The following CCNF variants were observed in gnomAD, a reference collection of about 807,000 sequenced individuals.
CCNF encodes the protein cyclin-F.
Under a neutral mutation model 85.4 loss-of-function variants are expected in CCNF, and 30 were observed. The ratio of observed to expected loss-of-function variants is 0.35; its 90% CI spans 0.26 to 0.48. The LOEUF is 0.48. CCNF is among the 20% of genes least tolerant of loss of function. The pLI, the probability that CCNF is intolerant of heterozygous loss-of-function variation, is 0.99. For missense variants in CCNF, 919 were observed against 1,010.4 expected (o/e 0.91, Z 1.23); for synonymous variants, 439 against 425.1 (o/e 1.03, Z -0.40).
In CCNF at chr16:2,435,615, A is replaced by C. The variant is rs538444194; in HGVS notation, c.279-191A>C. 2.6e-3 allele frequency among the ~76,000 whole-genome samples: 354 copies of C among 134,444 alleles called. 4 individuals carry two copies. The highest frequency in any genetic ancestry group is 9.5e-3 in the African/African-American group (332 of 35,022). 88.2% of individuals were successfully genotyped at this position (134,444 alleles called of 152,430 possible). On this transcript the variant is annotated intron_variant, in intron 3 of 16. Coordinates refer to ENST00000397066, the MANE Select transcript of CCNF (RefSeq NM_001761.3). ...GAGAGAGATATATATATATATATGC[A>C]CACACACACACACATATATATGCAC...
At chr16:2,442,406 TATA>T (rs1488952044) in intron 8 of CCNF, among the ~76,000 whole-genome samples, 3 of 86,670 alleles carry the variant, frequency 3.5e-5, no homozygotes, top group African/African-American at 5.2e-5. Context: ...ATTTATAATA[TATA>T]ATATTATATA....
chr16:2,444,354 C>T (rs2065349757), intron 9 of CCNF, among the ~76,000 whole-genome samples: 2 of 149,056 alleles, frequency 1.3e-5, no homozygotes, highest in African/African-American at 5.0e-5. Flanking sequence ...GGCTGGAGTG[C>T]AGTGGCGTGA....
intron 12 of CCNF, 43 bp from the exon 13 acceptor site, chr16:2,449,785 G>C (rs56677463): frequency 4.0e-4 from 262 of 653,830 alleles, no homozygotes; most frequent in South Asian, 1.1e-3. Context: ...CATCCCCTCC[G>C]TCCCCTCCAT....
At chr16:2,448,463 G>T (rs573446679) in intron 10 of CCNF, among the ~76,000 whole-genome samples, 8 of 152,298 alleles carry the variant, frequency 5.3e-5, no homozygotes, top group African/African-American at 1.7e-4. Context: ...TTGGAATGCA[G>T]TGGTGTAATC....
At chr16:2,454,972 C>G (rs1203921546) in intron 15 of CCNF, among the ~76,000 whole-genome samples, 1 of 150,618 alleles carries the variant, frequency 6.6e-6, no homozygotes, top group Non-Finnish European at 1.5e-5. Flanking sequence ...AGGCAGGAGA[C>G]TCACTTGAAC....
At position 2,456,025 on chromosome 16, in the gene CCNF, G is replaced by A. The variant is rs551507662; in HGVS notation, c.1885+461G>A. On this transcript the variant is annotated intron_variant, in intron 16 of 16. Transcript: ENST00000397066. This position sits in a 1 kb window ranked among gnomAD's most constrained non-coding sequence, Gnocchi z 4.5. ...AAAATTTAAAAATTAGCTGGGCATC[G>A]TGGCGTGCGCCTGTGGTCCCAGCTA... is the stretch of plus-strand genomic sequence containing the variant. Among the ~76,000 whole-genome samples the A allele has an allele frequency of 6.6e-6, 1 of 152,224 alleles. No homozygotes were observed. Among genetic ancestry groups the A allele is most frequent in the Non-Finnish European group, 1.5e-5 (1 of 68,050 alleles).
At position 2,452,992 on chromosome 16, in the gene CCNF, G is replaced by A; in HGVS notation, c.1488-218G>A. The A allele has an allele frequency of 1.7e-6, 1 of 592,902 alleles. No individual in the cohort carries two copies. Among genetic ancestry groups the A allele is most frequent in the Non-Finnish European group, 3.0e-6 (1 of 332,180 alleles). The allele number at this position is 592,902 out of a possible 1,614,324, so 36.7% of individuals were successfully genotyped here. On this transcript the variant is annotated intron_variant, in intron 13 of 16. Coordinates refer to ENST00000397066, the MANE Select transcript of CCNF (RefSeq NM_001761.3). The surrounding 1 kb of genome is among the most constrained non-coding windows in gnomAD (Gnocchi z 4.1). Reference sequence around the variant, plus strand: ...TCCTGCCATGAACATTCTAGTACAGGTTTCTGTGTGGACATAGTTTTTCCT... The same window carrying A: ...TCCTGCCATGAACATTCTAGTACAGATTTCTGTGTGGACATAGTTTTTCCT...
rs1370574775 is a variant in CCNF at position 2,442,866 on chromosome 16, A to G, written c.778-783A>G. 7.4e-3 allele frequency among the ~76,000 whole-genome samples: 309 copies of G among 41,716 alleles called. 1 individual carries two copies. The highest frequency in any genetic ancestry group is 9.3e-3 in the Non-Finnish European group (274 of 29,394). The allele number at this position is 41,716 out of a possible 152,430, so 27.4% of individuals were successfully genotyped here. On this transcript the variant is annotated intron_variant, in intron 8 of 16. Transcript: ENST00000397066. ...TATTATATATAATATATATTATATTATATATATTATATTATAATTATATAT... is the reference window on the plus strand; with the variant it reads ...TATTATATATAATATATATTATATTGTATATATTATATTATAATTATATAT...
Position 2,438,019 on chromosome 16 carries a change from C to T in CCNF, c.541-51C>T, listed in dbSNP as rs1231967292. ...AAGACAGACAAGGGAGTGGTGGCCCCCGGGCAGTTCTCTGTGCTGGAAATC... is the reference window on the plus strand; with the variant it reads ...AAGACAGACAAGGGAGTGGTGGCCCTCGGGCAGTTCTCTGTGCTGGAAATC... On this transcript the variant is annotated intron_variant, in intron 5 of 16. Coordinates refer to ENST00000397066, the MANE Select transcript of CCNF (RefSeq NM_001761.3). The T allele has an allele frequency of 9.9e-6, 13 of 1,307,344 alleles. No individual in the cohort carries two copies. The East Asian group carries it at 2.8e-4, about 28-fold the overall frequency. The allele number at this position is 1,307,344 out of a possible 1,614,324, so 81.0% of individuals were successfully genotyped here. A position where few individuals can be genotyped will look rare whatever the true frequency, so the allele number is the denominator to read the frequency against.
intron 5 of CCNF, 180 bp from the exon 6 acceptor site, chr16:2,437,890 C>A: frequency 1.8e-6 from 1 of 543,496 alleles, no homozygotes; most frequent in South Asian, 2.1e-5. Flanking sequence ...CAGAGCAAGA[C>A]CCTGTTTCCC....
In CCNF at chr16:2,453,322, C is replaced by A. The variant is rs775693958; in HGVS notation, c.1587+13C>A. 1.9e-6 allele frequency: 3 copies of A among 1,613,704 alleles called. No homozygotes were observed. The highest frequency in any genetic ancestry group is 3.3e-4 in the Middle Eastern group (2 of 6,084). On this transcript the variant is annotated intron_variant, in intron 14 of 16. Transcript: ENST00000397066. The surrounding 1 kb of genome is among the most constrained non-coding windows in gnomAD (Gnocchi z 5.6). ...CAGCCAGGAAGAGGTGCCTCCCTCC[C>A]GCCACCTGGGCGTCTCATGGGGTGC...
At chr16:2,450,879 T>C (rs1352165287) in intron 13 of CCNF, among the ~76,000 whole-genome samples, 1 of 152,252 alleles carries the variant, frequency 6.6e-6, no homozygotes, top group African/African-American at 2.4e-5. Flanking sequence ...GAACAGCTTC[T>C]GCCCTGATGC....
chr16:2,437,106 C>T, intron 4 of CCNF, 23 bp from the exon 5 acceptor site: 1 of 1,545,298 alleles, frequency 6.5e-7, no homozygotes, highest in South Asian at 1.2e-5. Context: ...CATCCCTGGG[C>T]TCTGTCCTGT....
intron 3 of CCNF, among the ~76,000 whole-genome samples, 197 bp from the exon 4 acceptor site, chr16:2,435,609 A>G (rs2065284840): frequency 6.9e-6 from 1 of 145,398 alleles, no homozygotes; most frequent in Non-Finnish European, 1.5e-5. Context: ...ATATATATAT[A>G]TATGCACACA....
chr16:2,442,683 ATAT>A (rs796625816), intron 8 of CCNF, among the ~76,000 whole-genome samples: 1 of 5,150 alleles, frequency 1.9e-4, no homozygotes. Flanking sequence ...ATATAATATC[ATAT>A]TATTATATAA....
Position 2,438,091 on chromosome 16 carries a change from CACT to C in CCNF, c.563_565del (p.His188_Cys189delinsArg). The C allele has an allele frequency of 6.2e-7, 1 of 1,612,224 alleles. No individual in the cohort carries two copies. The highest frequency in any genetic ancestry group is 8.5e-7 in the Non-Finnish European group (1 of 1,178,324). On this transcript the variant is annotated inframe_deletion, in exon 6 of 17. Transcript: ENST00000397066. ...AAAGACTCACAAAGCATCCATATTG[CACT>C]GCTTGGGCAGAGTGCTGAGTCTGTT...
At chr16:2,443,331 G>A (rs998258617) in intron 8 of CCNF, among the ~76,000 whole-genome samples, 4 of 151,450 alleles carry the variant, frequency 2.6e-5, no homozygotes, top group South Asian at 4.2e-4. Flanking sequence ...GAAGCCTTTC[G>A]GAGAGCACTG....
chr16:2,434,462 A>C (rs1177409734), intron 3 of CCNF, among the ~76,000 whole-genome samples: 2 of 151,898 alleles, frequency 1.3e-5, no homozygotes, highest in Non-Finnish European at 2.9e-5. Flanking sequence ...AAAATACAAA[A>C]ATTAGCTGGG....
intron 4 of CCNF, 21 bp from the exon 5 acceptor site, chr16:2,437,108 C>G (rs780829450): frequency 9.3e-5 from 144 of 1,548,750 alleles, no homozygotes; most frequent in Admixed American, 5.2e-4. Flanking sequence ...TCCCTGGGCT[C>G]TGTCCTGTCT....
Sources: allele counts gnomAD v4.1 joint callset (sites outside exome capture counted in the v4.1 genomes callset), GRCh38; gene constraint gnomAD v4.1.1; non-coding constraint Gnocchi (gnomAD v3.1); transcripts MANE v1.5; gene names NCBI Gene and HGNC (gene_info 2026-07-23, HGNC 2026-07-21).